Variants in R3HDM2 observed in about 807,000 individuals in gnomAD.
The protein encoded by R3HDM2 is R3H domain containing 2, also known as R3H domain-containing protein 2.
Under a neutral mutation model 124.5 loss-of-function variants are expected in R3HDM2, and 38 were observed. That is an observed-to-expected ratio of 0.31 (90% CI 0.24 to 0.40). R3HDM2 has a LOEUF of 0.40. Ranked by LOEUF, R3HDM2 falls within the 10% of genes least tolerant of loss-of-function variation. The pLI is 1.00. For synonymous variants in R3HDM2, 391 were observed against 448.0 expected, an observed-to-expected ratio of 0.87 and a Z score of 1.61; for missense variants, 869 against 1,236.9, an observed-to-expected ratio of 0.70 and a Z score of 4.46.
At chr12:57,260,815 G>A (rs1018588730) in intron 19 of R3HDM2, among the ~76,000 whole-genome samples, 1 of 152,158 alleles carries the variant, frequency 6.6e-6, no homozygotes, top group Non-Finnish European at 1.5e-5. Context: ...TCTGCCCTGG[G>A]CACCAGTCAT....
chr12:57,328,262 G>A (rs550163015), intron 2 of R3HDM2, among the ~76,000 whole-genome samples: 1 of 152,194 alleles, frequency 6.6e-6, no homozygotes, highest in East Asian at 1.9e-4. Flanking sequence ...GGGTTTCGCT[G>A]TGTTGCCCAG....
In R3HDM2 at chr12:57,356,508, T is replaced by C. The variant is rs114878019; in HGVS notation, c.-36+39241A>G. ...TAATTTACTAAAACTTTGTTAAAGA[T>C]TTTTGTATCCACGTACACAAGAAAA... On this transcript the variant is annotated intron_variant, in intron 2 of 23. Coordinates refer to ENST00000402412, the MANE Select transcript of R3HDM2 (RefSeq NM_001394031.1). Among the ~76,000 whole-genome samples the C allele has an allele frequency of 1.1e-3, 165 of 152,338 alleles. 1 individual carries two copies. The highest frequency in any genetic ancestry group is 3.8e-3 in the African/African-American group (158 of 41,584).
intron 2 of R3HDM2, among the ~76,000 whole-genome samples, chr12:57,325,027 T>A (rs573266464): frequency 6.6e-6 from 1 of 152,304 alleles, no homozygotes; most frequent in South Asian, 2.1e-4. Flanking sequence ...AAGGTGACCA[T>A]CTGGAAGCCA....
rs1869695566 is a variant in R3HDM2, at chr12:57,430,707, G to C, written c.-106+13C>G. 2.0e-6 allele frequency: 1 copy of C among 496,684 alleles called. No individual in the cohort carries two copies. The highest frequency in any genetic ancestry group is 2.6e-6 in the Non-Finnish European group (1 of 384,916). 30.8% of individuals were successfully genotyped at this position (496,684 alleles called of 1,614,324 possible). A position where few individuals can be genotyped will look rare whatever the true frequency, so the allele number is the denominator to read the frequency against. Reference sequence around the variant, plus strand: ...CCGGGCCGCCCGCCCCCTCGGCCGGGAGGTGGCCTCACCTCGCACGGGCCT... The same window carrying C: ...CCGGGCCGCCCGCCCCCTCGGCCGGCAGGTGGCCTCACCTCGCACGGGCCT... On this transcript the variant is annotated intron_variant, in intron 1 of 23. Coordinates refer to ENST00000402412, the MANE Select transcript of R3HDM2 (RefSeq NM_001394031.1).
At chr12:57,405,300 T>C (rs114927547) in intron 1 of R3HDM2, among the ~76,000 whole-genome samples, 1,829 of 152,340 alleles carry the variant, frequency 0.012, 34 homozygotes, top group African/African-American at 0.041. Flanking sequence ...ATATTACTTT[T>C]GTAATTTGAA....
chr12:57,311,022 A>G (rs1360623520), intron 2 of R3HDM2, among the ~76,000 whole-genome samples: 1 of 151,958 alleles, frequency 6.6e-6, no homozygotes, highest in Non-Finnish European at 1.5e-5. Context: ...TGGCTCAATC[A>G]CTTCACCCAT....
intron 2 of R3HDM2, among the ~76,000 whole-genome samples, chr12:57,340,913 T>G (rs551139404): frequency 1.8e-4 from 27 of 147,498 alleles, no homozygotes; most frequent in South Asian, 6.4e-4. Context: ...AAAAAAAAAA[T>G]GGGTTGGGCT....
At chr12:57,423,087 G>C (rs541612750) in intron 1 of R3HDM2, among the ~76,000 whole-genome samples, 1 of 152,194 alleles carries the variant, frequency 6.6e-6, no homozygotes, top group Non-Finnish European at 1.5e-5. Flanking sequence ...GGGGTCAACA[G>C]TAATGAATGC....
intron 2 of R3HDM2, among the ~76,000 whole-genome samples, chr12:57,332,742 C>G (rs2058368343): frequency 6.6e-6 from 1 of 152,218 alleles, no homozygotes; most frequent in South Asian, 2.1e-4. Flanking sequence ...TATTCTTACC[C>G]TAAGGTGAGT....
intron 2 of R3HDM2, among the ~76,000 whole-genome samples, chr12:57,386,301 G>A (rs940025369): frequency 2.6e-5 from 4 of 152,234 alleles, no homozygotes; most frequent in African/African-American, 9.6e-5. Context: ...AGCTTGCGGG[G>A]AGGTGTGGAC....
At chr12:57,288,058 C>G (rs1253250340) in intron 12 of R3HDM2, among the ~76,000 whole-genome samples, 2 of 146,058 alleles carry the variant, frequency 1.4e-5, no homozygotes, top group African/African-American at 5.1e-5. Context: ...CTCTGTTGCT[C>G]AGGCCGGATG....
chr12:57,297,374 G>A lies in R3HDM2; in HGVS notation c.514C>T (p.Leu172=). 1 of 1,524,412 alleles carries A rather than the reference G, an allele frequency of 6.6e-7. No homozygotes were observed. Among genetic ancestry groups the A allele is most frequent in the South Asian group, 1.2e-5 (1 of 82,642 alleles). The allele number at this position is 1,524,412 out of a possible 1,614,324, so 94.4% of individuals were successfully genotyped here. Residue 172 remains leucine (L), a synonymous_variant, in exon 8 of 24, where the codon CTG becomes TTG. Coordinates refer to ENST00000402412, the MANE Select transcript of R3HDM2 (RefSeq NM_001394031.1). Reference sequence around the variant, plus strand: ...AGAATCTCCTGTTCTAATTTTAGCAGCATCATTCTGTCCCTGTTTAAAAAA... The same window carrying A: ...AGAATCTCCTGTTCTAATTTTAGCAACATCATTCTGTCCCTGTTTAAAAAA... ...LKKNPRDRMM[L]LKLEQEILEF...
chr12:57,321,258 A>G (rs2056401559), intron 2 of R3HDM2, among the ~76,000 whole-genome samples: 1 of 152,250 alleles, frequency 6.6e-6, no homozygotes, highest in Non-Finnish European at 1.5e-5. Context: ...ATTTAAAAAA[A>G]TTTCCAAAAT....
chr12:57,280,496 C>G lies in R3HDM2; in HGVS notation c.1206G>C (p.Gln402His), dbSNP rs150722530. The G allele has an allele frequency of 3.7e-6, 6 of 1,613,202 alleles. No homozygotes were observed. The change falls in exon 14 of 24, where the codon CAG becomes CAC. Residue 402 changes from glutamine to histidine, a missense_variant. Physicochemically the swap from Gln to His is conservative, Grantham distance 24. This residue lies in a region of R3HDM2 where 602 missense variants were observed against 789.2 expected (regional missense o/e 0.76). Coordinates refer to ENST00000402412, the MANE Select transcript of R3HDM2 (RefSeq NM_001394031.1). ...CCCGGACAGACTGGGATGAGGTGAC[C>G]TGGTTGCACACTTCTGGGGCACCTA... ...MALGAPEVCNQVTSSQSVRGL... is the reference protein window; with the variant it reads ...MALGAPEVCNHVTSSQSVRGL...
intron 2 of R3HDM2, among the ~76,000 whole-genome samples, chr12:57,322,087 G>A (rs1286137049): frequency 3.3e-5 from 5 of 152,134 alleles, no homozygotes; most frequent in Non-Finnish European, 7.3e-5. Context: ...AATTAGCCGA[G>A]TGTGGTGGCG....
chr12:57,330,738 G>T (rs1169311485), intron 2 of R3HDM2, among the ~76,000 whole-genome samples: 2 of 108,792 alleles, frequency 1.8e-5, no homozygotes, highest in African/African-American at 3.7e-5. Context: ...TCGTTCTGTT[G>T]CCCAGGCTGG....
At position 57,310,413 on chromosome 12, in the gene R3HDM2, T is replaced by C; in HGVS notation, c.16A>G (p.Thr6Ala). The C allele has an allele frequency of 6.5e-7, 1 of 1,541,612 alleles. No homozygotes were observed. Among genetic ancestry groups the C allele is most frequent in the Non-Finnish European group, 8.7e-7 (1 of 1,143,650 alleles). MSNSN[T>A]TQETLEIMKE... ...ATTATTTCCAGGGTCTCTTGAGTAG[T>C]GTTACTGTTAGACATGTTCTTCAAT... Residue 6 changes from threonine (T) to alanine (A), a missense_variant, in exon 3 of 24, where the codon ACT (threonine) becomes GCT (alanine). Transcript: ENST00000402412.
At chr12:57,422,253 AGAGAT>A (rs1386530953) in intron 1 of R3HDM2, among the ~76,000 whole-genome samples, 1 of 152,150 alleles carries the variant, frequency 6.6e-6, no homozygotes, top group Non-Finnish European at 1.5e-5. Flanking sequence ...AATTGCTATA[AGAGAT>A]ATTTTTAAAA....
intron 2 of R3HDM2, among the ~76,000 whole-genome samples, chr12:57,320,076 C>A (rs759761050): frequency 6.6e-6 from 1 of 151,486 alleles, no homozygotes; most frequent in African/African-American, 2.4e-5. Context: ...CTGGCCAACA[C>A]GGTGAAACCC....
Sources: allele counts gnomAD v4.1 joint callset (sites outside exome capture counted in the v4.1 genomes callset), GRCh38; gene constraint gnomAD v4.1.1; regional missense constraint gnomAD v4.1.1; transcripts MANE v1.5; gene names NCBI Gene and HGNC (gene_info 2026-07-23, HGNC 2026-07-21).